Variants in SPECC1 observed in about 807,000 individuals in gnomAD.
The protein encoded by SPECC1 is sperm antigen with calponin homology and coiled-coil domains 1, also known as cytospin-B.
In SPECC1, 62 loss-of-function variants were observed where a neutral mutation model predicts 104.1. The ratio of observed to expected loss-of-function variants is 0.60; its 90% CI spans 0.49 to 0.74. The LOEUF (loss-of-function observed/expected upper bound fraction) is 0.74, where lower values mean the gene tolerates loss of function less well. SPECC1 is among the 30% of genes least tolerant of loss of function. SPECC1 has a pLI of 0.00. For synonymous variants in SPECC1, 513 were observed against 501.6 expected (o/e 1.02, Z -0.30); for missense variants, 1,306 against 1,310.5 (o/e 1.00, Z 0.05).
chr17:20,136,829 G>A (rs1273661102), intron 3 of SPECC1, among the ~76,000 whole-genome samples: 7 of 152,142 alleles, frequency 4.6e-5, no homozygotes, highest in African/African-American at 1.7e-4. Context: ...TTTCTCAGTG[G>A]TTACTGATAG....
At chr17:20,134,573 C>T (rs924410572) in intron 3 of SPECC1, among the ~76,000 whole-genome samples, 2 of 152,154 alleles carry the variant, frequency 1.3e-5, no homozygotes, top group Non-Finnish European at 1.5e-5. Flanking sequence ...AGCAAGATTT[C>T]CTGCTTTCTT....
At chr17:20,248,536 A>G (rs889671521) in intron 9 of SPECC1, among the ~76,000 whole-genome samples, 4 of 152,094 alleles carry the variant, frequency 2.6e-5, no homozygotes, top group South Asian at 2.1e-4. Flanking sequence ...TTACAGTACT[A>G]TTTTCCAAGA....
chr17:20,239,228 T>G (rs1169694112), intron 7 of SPECC1: 1 of 1,016,924 alleles, frequency 9.8e-7, no homozygotes, highest in South Asian at 4.6e-5. Context: ...ATGTATTGGA[T>G]TTTTTCTTAA....
intron 1 of SPECC1, among the ~76,000 whole-genome samples, chr17:20,079,416 C>T (rs2046881923): frequency 6.6e-6 from 1 of 152,196 alleles, no homozygotes; most frequent in African/African-American, 2.4e-5. Flanking sequence ...CTTCCCACTT[C>T]AGCCTCCTGA....
intron 1 of SPECC1, among the ~76,000 whole-genome samples, chr17:20,094,894 C>G (rs1422893387): frequency 2.0e-5 from 3 of 152,204 alleles, no homozygotes; most frequent in Non-Finnish European, 4.4e-5. Context: ...GCCACTGTGC[C>G]TGGACTGTAA....
chr17:20,085,289 C>T (rs969035969), intron 1 of SPECC1, among the ~76,000 whole-genome samples: 3 of 152,220 alleles, frequency 2.0e-5, no homozygotes, highest in South Asian at 2.1e-4. Context: ...CTTTGAGGGT[C>T]GGGGGTAACT....
intron 3 of SPECC1, among the ~76,000 whole-genome samples, chr17:20,144,105 C>G (rs972906208): frequency 6.6e-6 from 1 of 151,006 alleles, no homozygotes; most frequent in Non-Finnish European, 1.5e-5. Context: ...ACTGCGGGAA[C>G]TTTGCAGTTG....
chr17:20,189,859 G>T (rs2035542011), intron 3 of SPECC1, among the ~76,000 whole-genome samples: 1 of 152,186 alleles, frequency 6.6e-6, no homozygotes, highest in Non-Finnish European at 1.5e-5. Context: ...ATGGAGATGA[G>T]ATAGAAAATG....
At chr17:20,155,977 G>A (rs1311151380) in intron 3 of SPECC1, 52 of 1,263,206 alleles carry the variant, frequency 4.1e-5, no homozygotes, top group Non-Finnish European at 5.1e-5. Context: ...GGCGGGCCGC[G>A]AGGGCGGGCT....
At chr17:20,287,536 T>C (rs1195228138) in intron 12 of SPECC1, among the ~76,000 whole-genome samples, 4 of 151,512 alleles carry the variant, frequency 2.6e-5, no homozygotes, top group Admixed American at 1.3e-4. Flanking sequence ...CTTCCATCCA[T>C]GTGGAAAGTG....
chr17:20,019,014 C>A (rs1036458358), intron 1 of SPECC1, among the ~76,000 whole-genome samples: 3 of 152,112 alleles, frequency 2.0e-5, no homozygotes, highest in Non-Finnish European at 4.4e-5. Context: ...ATGGTGGGAA[C>A]CCTTCTGAAA....
chr17:20,227,240 C>T (rs1450792651), intron 4 of SPECC1, among the ~76,000 whole-genome samples, 173 bp from the exon 5 acceptor site: 1 of 152,186 alleles, frequency 6.6e-6, no homozygotes, highest in African/African-American at 2.4e-5. Flanking sequence ...CGTGAGCCTG[C>T]TGCTGACTTG....
intron 1 of SPECC1, among the ~76,000 whole-genome samples, chr17:20,045,935 C>A (rs375639108): frequency 6.6e-6 from 1 of 151,522 alleles, no homozygotes; most frequent in African/African-American, 2.4e-5. Context: ...CTTTTCCTCC[C>A]CCTCTGTTAA....
At chr17:20,064,821 A>C (rs775459163) in intron 1 of SPECC1, among the ~76,000 whole-genome samples, 1 of 152,170 alleles carries the variant, frequency 6.6e-6, no homozygotes, top group Non-Finnish European at 1.5e-5. Context: ...CAACTTCACT[A>C]ACCACTCCTT....
At chr17:20,243,959 G>A (rs2039312418) in intron 7 of SPECC1, among the ~76,000 whole-genome samples, 1 of 152,102 alleles carries the variant, frequency 6.6e-6, no homozygotes, top group African/African-American at 2.4e-5. Context: ...GCTCATGCCT[G>A]TAATCCTGGC....
At chr17:20,129,194 T>TC (rs1460817193) in intron 3 of SPECC1, among the ~76,000 whole-genome samples, 3 of 151,224 alleles carry the variant, frequency 2.0e-5, no homozygotes, top group African/African-American at 7.3e-5. Context: ...TTTTTTTGTT[T>TC]TTTTTTTTTG....
At chr17:20,155,965 G>GGGGCGGGCCGCGA (rs1202448333) in intron 3 of SPECC1, 1 of 1,260,712 alleles carries the variant, frequency 7.9e-7, no homozygotes, top group African/African-American at 1.6e-5. Context: ...GCAGATGAAG[G>GGGGCGGGCCGCGA]GGGCGGGCCG....
chr17:20,112,340 AT>A (rs1297448219), intron 3 of SPECC1: 2 of 756,256 alleles, frequency 2.6e-6, no homozygotes, highest in Non-Finnish European at 4.9e-6. Context: ...AAGAAGCAAG[AT>A]TTTTTGTATT....
chr17:20,278,626 T>G (rs3850781), intron 12 of SPECC1, among the ~76,000 whole-genome samples: 107,362 of 151,616 alleles, frequency 0.71, 39,788 homozygotes, highest in East Asian at 0.99. Context: ...ATCACTTGAG[T>G]ATAGAAGTTT....
Sources: gnomAD v4.1 joint callset for allele counts (sites outside exome capture counted in the v4.1 genomes callset) on GRCh38, gnomAD v4.1.1 for gene constraint, MANE v1.5 for transcripts, NCBI Gene and HGNC (gene_info 2026-07-23, HGNC 2026-07-21) for gene names.